The following IL7 variants were observed in gnomAD, a reference collection of about 807,000 sequenced individuals.
IL7 encodes the protein interleukin-7.
Under a neutral mutation model 21.6 loss-of-function variants are expected in IL7, and 3 were observed. The observed-to-expected ratio is 0.14, with a 90% CI of 0.06 to 0.36. IL7 has a LOEUF of 0.36. Ranked by LOEUF, IL7 falls within the 10% of genes least tolerant of loss-of-function variation. IL7 has a pLI of 1.00. For missense variants in IL7, 175 were observed against 200.2 expected (o/e 0.87, Z 0.76); for synonymous variants, 62 against 68.1 (o/e 0.91, Z 0.44).
chr8:78,759,350 G>T (rs1327548098), intron 2 of IL7, among the ~76,000 whole-genome samples: 1 of 150,422 alleles, frequency 6.6e-6, no homozygotes. Context: ...CACTTATTTT[G>T]TAGGTTTTCC....
At chr8:78,693,508 C>A (rs2130522810) in intron 3 of IL7, among the ~76,000 whole-genome samples, 1 of 152,154 alleles carries the variant, frequency 6.6e-6, no homozygotes, top group Admixed American at 6.5e-5. Context: ...TTTCATGTGT[C>A]TTTTGGCCGC....
chr8:78,770,436 C>T (rs866189334), intron 2 of IL7, among the ~76,000 whole-genome samples: 1 of 152,088 alleles, frequency 6.6e-6, no homozygotes, highest in Non-Finnish European at 1.5e-5. Flanking sequence ...AAGGATGCTT[C>T]CTTGAAAAAA....
intron 3 of IL7, chr8:78,712,054 G>T: frequency 7.8e-7 from 1 of 1,289,638 alleles, no homozygotes; most frequent in Non-Finnish European, 1.0e-6. Context: ...GTATGACAGT[G>T]ATACAAAATC....
chr8:78,764,156 A>T (rs139981153), intron 2 of IL7, among the ~76,000 whole-genome samples: 3,943 of 152,240 alleles, frequency 0.026, 81 homozygotes, highest in South Asian at 0.064. Flanking sequence ...CCCATTCATG[A>T]TAAAAAATTT....
At chr8:78,748,951 A>G (rs1240292543) in intron 2 of IL7, among the ~76,000 whole-genome samples, 1 of 152,222 alleles carries the variant, frequency 6.6e-6, no homozygotes. Context: ...ATGTTCATAA[A>G]CAAGTGGTAA....
intron 5 of IL7, among the ~76,000 whole-genome samples, chr8:78,735,823 G>C (rs537983414): frequency 1.3e-5 from 2 of 151,890 alleles, no homozygotes; most frequent in Admixed American, 6.5e-5. Context: ...AAATATAAAA[G>C]AAGAATCCAT....
chr8:78,742,157 C>T (rs866566250), intron 2 of IL7, among the ~76,000 whole-genome samples: 1 of 123,580 alleles, frequency 8.1e-6, no homozygotes, highest in Admixed American at 8.3e-5. Context: ...ACTAAAAATA[C>T]AAAAAAAAAA....
chr8:78,771,624 G>A (rs1314544209), intron 2 of IL7, among the ~76,000 whole-genome samples: 1 of 152,138 alleles, frequency 6.6e-6, no homozygotes, highest in African/African-American at 2.4e-5. Context: ...GCATTCAACT[G>A]GGGTCTTTTC....
intron 2 of IL7, among the ~76,000 whole-genome samples, chr8:78,767,582 G>A (rs1381925045): frequency 6.6e-6 from 1 of 151,822 alleles, no homozygotes; most frequent in East Asian, 1.9e-4. Flanking sequence ...AGCTTTCTCA[G>A]TCCTCCCATA....
chr8:78,687,854 T>TATAATA (rs1810067372), intron 3 of IL7, among the ~76,000 whole-genome samples: 3 of 87,418 alleles, frequency 3.4e-5, no homozygotes, highest in East Asian at 3.5e-4. Flanking sequence ...TATATTTATA[T>TATAATA]AATATATATC....
chr8:78,696,135 C>T (rs113678053), intron 3 of IL7, among the ~76,000 whole-genome samples: 6 of 151,862 alleles, frequency 4.0e-5, no homozygotes, highest in African/African-American at 1.2e-4. Context: ...CCTGGGTTCA[C>T]GCCATTCTCC....
intron 3 of IL7, among the ~76,000 whole-genome samples, chr8:78,708,449 G>A (rs1810849888): frequency 6.6e-6 from 1 of 151,950 alleles, no homozygotes; most frequent in African/African-American, 2.4e-5. Context: ...AGAGTGAGGT[G>A]GGAGAGTCGC....
downstream of IL7, chr8:78,675,600 C>T (rs1417140423): frequency 9.6e-6 from 5 of 519,798 alleles, no homozygotes; most frequent in South Asian, 2.9e-5. Context: ...TTATCCTGAC[C>T]TTTTTCACCA....
At chr8:78,685,210 G>C (rs1389932319) in intron 4 of IL7, among the ~76,000 whole-genome samples, 1 of 151,560 alleles carries the variant, frequency 6.6e-6, no homozygotes, top group African/African-American at 2.4e-5. Context: ...GTTGTGGGGG[G>C]ACAGGGAGGG....
At chr8:78,766,334 A>G (rs1812752563) in intron 2 of IL7, among the ~76,000 whole-genome samples, 1 of 152,094 alleles carries the variant, frequency 6.6e-6, no homozygotes, top group Non-Finnish European at 1.5e-5. Flanking sequence ...ACTTTGGGTG[A>G]CAATGATGTG....
chr8:78,798,719 G>A (rs1813951084), intron 1 of IL7, among the ~76,000 whole-genome samples: 1 of 151,960 alleles, frequency 6.6e-6, no homozygotes, highest in Non-Finnish European at 1.5e-5. Context: ...TACTGTAAGT[G>A]CACTCTTTCT....
intron 2 of IL7, among the ~76,000 whole-genome samples, chr8:78,786,335 G>T (rs533502649): frequency 4.6e-4 from 70 of 152,196 alleles, no homozygotes; most frequent in African/African-American, 1.6e-3. Context: ...TCTAAATATA[G>T]AACAGGTACA....
At chr8:78,790,152 A>C (rs1813637441) in intron 2 of IL7, among the ~76,000 whole-genome samples, 1 of 152,182 alleles carries the variant, frequency 6.6e-6, no homozygotes, top group Non-Finnish European at 1.5e-5. Context: ...ATAAGTTTAC[A>C]ACTTAAAATA....
intron 2 of IL7, among the ~76,000 whole-genome samples, chr8:78,755,814 C>G (rs1173198318): frequency 6.6e-6 from 1 of 152,016 alleles, no homozygotes; most frequent in African/African-American, 2.4e-5. Context: ...ACTTGGACAT[C>G]TTTTATTTCT....
Sources: gnomAD v4.1 joint callset for allele counts (sites outside exome capture counted in the v4.1 genomes callset) on GRCh38, gnomAD v4.1.1 for gene constraint, MANE v1.5 for transcripts, NCBI Gene and HGNC (gene_info 2026-07-23, HGNC 2026-07-21) for gene names.